The following CNTN1 variants were observed in gnomAD, a reference collection of about 807,000 sequenced individuals.
CNTN1 encodes contactin 1, also known as contactin-1.
A neutral mutation model predicts 126.4 loss-of-function variants in CNTN1; 38 were observed. That is an observed-to-expected ratio of 0.30 (90% CI 0.23 to 0.39). The LOEUF (loss-of-function observed/expected upper bound fraction) is 0.39. Among genes scored for constraint, CNTN1 ranks in the 10% least tolerant of loss-of-function variants. CNTN1 has a pLI of 1.00. For synonymous variants in CNTN1, 413 were observed against 422.6 expected (o/e 0.98, Z 0.28); for missense variants, 1,009 against 1,248.4 (o/e 0.81, Z 2.89).
chr12:41,043,249 C>T (rs1249236355), intron 23 of CNTN1, among the ~76,000 whole-genome samples: 1 of 152,102 alleles, frequency 6.6e-6, no homozygotes, highest in Non-Finnish European at 1.5e-5. Flanking sequence ...GCCACCTACT[C>T]ATCTGACAAA....
chr12:40,759,174 A>C (rs1032707590), intron 1 of CNTN1, among the ~76,000 whole-genome samples: 4 of 151,934 alleles, frequency 2.6e-5, no homozygotes, highest in African/African-American at 4.8e-5. Context: ...AATGTGCTGG[A>C]ATTACAGGCA....
intron 15 of CNTN1, among the ~76,000 whole-genome samples, chr12:40,980,318 C>T (rs920986317): frequency 2.0e-5 from 3 of 151,900 alleles, no homozygotes; most frequent in South Asian, 2.1e-4. Context: ...TTGTGGAGTG[C>T]TTGTAGTCCC....
intron 1 of CNTN1, among the ~76,000 whole-genome samples, chr12:40,808,123 C>T (rs938070810): frequency 6.6e-6 from 1 of 152,102 alleles, no homozygotes; most frequent in African/African-American, 2.4e-5. Context: ...GTTCAGTTGA[C>T]CAAAGAGAAC....
At chr12:40,984,930 G>T (rs546006595) in intron 16 of CNTN1, among the ~76,000 whole-genome samples, 25 of 151,980 alleles carry the variant, frequency 1.6e-4, no homozygotes, top group African/African-American at 6.0e-4. Flanking sequence ...GAAGATAGAA[G>T]AAAAAATAAG....
intron 23 of CNTN1, among the ~76,000 whole-genome samples, chr12:41,062,388 A>G (rs1386733465): frequency 2.6e-5 from 4 of 152,182 alleles, no homozygotes; most frequent in African/African-American, 9.6e-5. Context: ...TGAAAATTGT[A>G]TGCTAGTTTC....
chr12:40,840,620 T>TA lies in CNTN1; in HGVS notation c.-76-67732dup, dbSNP rs551065507. Among the ~76,000 whole-genome samples the TA allele has an allele frequency of 6.6e-5, 10 of 151,964 alleles. No homozygotes were observed. The South Asian group carries it at 1.2e-3, about 19-fold the overall frequency. On this transcript the variant is annotated intron_variant, in intron 1 of 23. Coordinates refer to ENST00000551295, the MANE Select transcript of CNTN1 (RefSeq NM_001843.4). ...CAAAACAAGTCTCATCAATTTTTTTTAAAAATTGAAATTATATCAAGTATC... is the reference window on the plus strand; with the variant it reads ...CAAAACAAGTCTCATCAATTTTTTTTAAAAAATTGAAATTATATCAAGTATC...
chr12:40,762,684 GCTGT>G (rs1262200097), intron 1 of CNTN1, among the ~76,000 whole-genome samples: 1 of 152,192 alleles, frequency 6.6e-6, no homozygotes, highest in Non-Finnish European at 1.5e-5. Context: ...ATGCATAAGA[GCTGT>G]CTGAGTCCCT....
intron 1 of CNTN1, among the ~76,000 whole-genome samples, chr12:40,877,272 T>C (rs953020070): frequency 1.3e-4 from 20 of 152,186 alleles, no homozygotes; most frequent in African/African-American, 4.6e-4. Context: ...TTGAATTGCA[T>C]TTAATAACTT....
At position 40,939,131 on chromosome 12, in the gene CNTN1, T is replaced by C. The variant is rs12828796; in HGVS notation, c.1229-204T>C. Among the ~76,000 whole-genome samples the C allele has an allele frequency of 0.033, 5,057 of 152,244 alleles. 109 individuals are homozygous for C. Among genetic ancestry groups the C allele is most frequent in the Middle Eastern group, 0.11 (33 of 294 alleles). Reference sequence around the variant, plus strand: ...TATCATCAAGAATTGTACATTTGAATTGGGTGAATTTTATAAGTCAAAGTT... The same window carrying C: ...TATCATCAAGAATTGTACATTTGAACTGGGTGAATTTTATAAGTCAAAGTT... On this transcript the variant is annotated intron_variant, in intron 11 of 23. Transcript: ENST00000551295.
chr12:40,925,591 GTATATA>G (rs148857277), intron 6 of CNTN1, among the ~76,000 whole-genome samples: 1 of 135,954 alleles, frequency 7.4e-6, no homozygotes, highest in African/African-American at 2.7e-5. Flanking sequence ...ATATATACAT[GTATATA>G]TATATATACG....
At chr12:40,918,815 A>G in intron 4 of CNTN1, 44 bp downstream of exon 4, 1 of 1,606,386 alleles carries the variant, frequency 6.2e-7, no homozygotes, top group Non-Finnish European at 8.5e-7. Flanking sequence ...TGTCAGAGTA[A>G]TGATCACAGA....
chr12:40,940,313 T>C (rs909158310), intron 12 of CNTN1, among the ~76,000 whole-genome samples: 1 of 151,882 alleles, frequency 6.6e-6, no homozygotes, highest in East Asian at 1.9e-4. Context: ...TAGAGGAAAA[T>C]GGAGGAGACT....
At chr12:40,946,390 T>C (rs1328126535) in intron 14 of CNTN1, among the ~76,000 whole-genome samples, 2 of 152,152 alleles carry the variant, frequency 1.3e-5, no homozygotes, top group Admixed American at 6.6e-5. Flanking sequence ...TTTGGTATTT[T>C]ATGTAGTTCT....
intron 1 of CNTN1, among the ~76,000 whole-genome samples, chr12:40,712,203 A>G (rs2121168752): frequency 6.6e-6 from 1 of 152,230 alleles, no homozygotes; most frequent in Middle Eastern, 3.4e-3. Flanking sequence ...ACCTTTCATC[A>G]CTAATTAACA....
rs755406297 is a variant in CNTN1 at position 40,908,839 on chromosome 12, C to T, written c.61+346C>T. Reference sequence around the variant, plus strand: ...ATGTGGAACTGGAAAGATGTGCAACCGCTCACCAGTCTGTAGTATTTTCAC... The same window carrying T: ...ATGTGGAACTGGAAAGATGTGCAACTGCTCACCAGTCTGTAGTATTTTCAC... On this transcript the variant is annotated intron_variant, in intron 2 of 23. Coordinates refer to ENST00000551295, the MANE Select transcript of CNTN1 (RefSeq NM_001843.4). 5.9e-5 allele frequency among the ~76,000 whole-genome samples: 9 copies of T among 152,110 alleles called. No individual in the cohort carries two copies. The South Asian group carries it at 6.2e-4, about 11-fold the overall frequency.
At chr12:41,040,990 G>T (rs1371742692) in intron 23 of CNTN1, among the ~76,000 whole-genome samples, 1 of 141,888 alleles carries the variant, frequency 7.0e-6, no homozygotes, top group Non-Finnish European at 1.5e-5. Flanking sequence ...CCTGTCTTGT[G>T]CCAGTTTTCA....
intron 15 of CNTN1, among the ~76,000 whole-genome samples, chr12:40,971,039 T>G (rs1947492392): frequency 6.6e-6 from 1 of 152,202 alleles, no homozygotes; most frequent in Non-Finnish European, 1.5e-5. Context: ...AACCATTGCT[T>G]CAATCTATCC....
intron 23 of CNTN1, among the ~76,000 whole-genome samples, chr12:41,053,428 A>AATATATATATATGTATATAT (rs1949730863): frequency 1.6e-5 from 1 of 64,116 alleles, no homozygotes; most frequent in African/African-American, 7.5e-5. Flanking sequence ...GTTTTCACTA[A>AATATATATATATGTATATAT]ATATATATAT....
At chr12:40,826,103 A>T (rs1259458616) in intron 1 of CNTN1, among the ~76,000 whole-genome samples, 2 of 152,144 alleles carry the variant, frequency 1.3e-5, no homozygotes, top group Non-Finnish European at 2.9e-5. Flanking sequence ...AGGAAACTGA[A>T]ATTTCTAATT....
Sources: gnomAD v4.1 joint callset for allele counts (sites outside exome capture counted in the v4.1 genomes callset) on GRCh38, gnomAD v4.1.1 for gene constraint, MANE v1.5 for transcripts, NCBI Gene and HGNC (gene_info 2026-07-23, HGNC 2026-07-21) for gene names.